The following MYRIP variants were observed in gnomAD, a reference collection of about 807,000 sequenced individuals.
The protein encoded by MYRIP is myosin VIIA and Rab interacting protein.
A neutral mutation model predicts 98.0 loss-of-function variants in MYRIP; 49 were observed. That is an observed-to-expected ratio of 0.50 (90% CI 0.40 to 0.63). The LOEUF (loss-of-function observed/expected upper bound fraction) is 0.63, where lower values mean the gene tolerates loss of function less well. MYRIP is among the 30% of genes least tolerant of loss of function. MYRIP has a pLI of 0.00. For missense variants in MYRIP, 1,004 were observed against 1,058.2 expected (o/e 0.95, Z 0.71); for synonymous variants, 404 against 409.5 (o/e 0.99, Z 0.16).
At chr3:39,869,123 C>T (rs1341761068) in intron 1 of MYRIP, among the ~76,000 whole-genome samples, 1 of 152,160 alleles carries the variant, frequency 6.6e-6, no homozygotes. Context: ...AGAAATTCTC[C>T]ACATTATTTA....
chr3:40,081,955 G>A (rs56211003), intron 3 of MYRIP, among the ~76,000 whole-genome samples: 2 of 152,152 alleles, frequency 1.3e-5, no homozygotes, highest in Admixed American at 6.6e-5. Flanking sequence ...CTTTCACTTA[G>A]CATGATGTCC....
intron 11 of MYRIP, among the ~76,000 whole-genome samples, chr3:40,219,671 T>G (rs1952265912): frequency 6.6e-6 from 1 of 152,178 alleles, no homozygotes; most frequent in Non-Finnish European, 1.5e-5. Context: ...AACTCATCAT[T>G]TTTTATGGCT....
chr3:40,203,499 G>A (rs1179807481), intron 10 of MYRIP, among the ~76,000 whole-genome samples: 1 of 151,152 alleles, frequency 6.6e-6, no homozygotes, highest in African/African-American at 2.4e-5. Flanking sequence ...AAACCAAAAT[G>A]TAAGGTTATT....
rs1041573694 is a variant in MYRIP, at chr3:39,809,716, G to C, written c.-231G>C. On this transcript the variant is annotated 5_prime_UTR_variant, in exon 1 of 17. Coordinates refer to ENST00000302541, the MANE Select transcript of MYRIP (RefSeq NM_015460.4). Reference sequence around the variant, plus strand: ...GTTCCCGGGTTCCCGCTGCGGCTGCGGTTCTGGCAGCCGAGCCCCCGCGGT... The same window carrying C: ...GTTCCCGGGTTCCCGCTGCGGCTGCCGTTCTGGCAGCCGAGCCCCCGCGGT... 1 of 152,096 alleles carries C rather than the reference G, an allele frequency of 6.6e-6. No homozygotes were observed. The highest frequency in any genetic ancestry group is 1.5e-5 in the Non-Finnish European group (1 of 67,980). The allele number at this position is 152,096 out of a possible 1,614,324, so 9.4% of individuals were successfully genotyped here. A position where few individuals can be genotyped will look rare whatever the true frequency, so the allele number is the denominator to read the frequency against.
intron 2 of MYRIP, among the ~76,000 whole-genome samples, chr3:39,977,242 G>A (rs1486399323): frequency 6.6e-6 from 1 of 152,096 alleles, no homozygotes; most frequent in African/African-American, 2.4e-5. Context: ...GCATTAAGGG[G>A]GAGTCCATGC....
At chr3:39,811,117 C>T (rs1220431978) in intron 1 of MYRIP, among the ~76,000 whole-genome samples, 1 of 152,140 alleles carries the variant, frequency 6.6e-6, no homozygotes, top group African/African-American at 2.4e-5. Context: ...GGGCGCTTCT[C>T]AGAGCTCTGG....
At chr3:40,063,487 G>C (rs931983053) in intron 3 of MYRIP, among the ~76,000 whole-genome samples, 1 of 152,176 alleles carries the variant, frequency 6.6e-6, no homozygotes, top group Non-Finnish European at 1.5e-5. Flanking sequence ...AAAGGTCTAT[G>C]CTAAAGTACT....
intron 2 of MYRIP, among the ~76,000 whole-genome samples, chr3:39,956,875 T>C (rs867537805): frequency 3.3e-5 from 5 of 151,494 alleles, no homozygotes; most frequent in Admixed American, 2.0e-4. Context: ...GAAATACAAA[T>C]TACCATCAGA....
At chr3:40,081,804 G>A (rs1226938058) in intron 3 of MYRIP, among the ~76,000 whole-genome samples, 1 of 152,106 alleles carries the variant, frequency 6.6e-6, no homozygotes, top group Non-Finnish European at 1.5e-5. Context: ...CTGAAACTAT[G>A]TACCCTTTGA....
At chr3:39,967,946 A>C (rs937714591) in intron 2 of MYRIP, among the ~76,000 whole-genome samples, 2 of 151,852 alleles carry the variant, frequency 1.3e-5, no homozygotes, top group Non-Finnish European at 2.9e-5. Context: ...TTCTCTTGTA[A>C]ATTTGTTTAA....
chr3:40,070,137 C>T (rs1398322109), intron 3 of MYRIP, among the ~76,000 whole-genome samples: 1 of 152,148 alleles, frequency 6.6e-6, no homozygotes, highest in Non-Finnish European at 1.5e-5. Context: ...ATGCCCAAAA[C>T]AGAACATAAT....
intron 11 of MYRIP, among the ~76,000 whole-genome samples, chr3:40,214,784 A>G (rs1952068338): frequency 6.6e-6 from 1 of 152,194 alleles, no homozygotes; most frequent in Non-Finnish European, 1.5e-5. Context: ...TGGTTCTGGA[A>G]GAAAGTCCTG....
intron 2 of MYRIP, among the ~76,000 whole-genome samples, chr3:40,002,959 T>G (rs1946552186): frequency 6.6e-6 from 1 of 151,882 alleles, no homozygotes. Flanking sequence ...TGTGTGTATC[T>G]AAAGCTATAT....
chr3:39,870,407 G>T (rs1379654773), intron 1 of MYRIP, among the ~76,000 whole-genome samples: 1 of 152,146 alleles, frequency 6.6e-6, no homozygotes, highest in African/African-American at 2.4e-5. Flanking sequence ...TCATGGGAGA[G>T]AATTCTCAAA....
At chr3:40,146,719 ACACACACATGCATG>A (rs1369371905) in intron 3 of MYRIP, among the ~76,000 whole-genome samples, 1 of 152,134 alleles carries the variant, frequency 6.6e-6, no homozygotes, top group Non-Finnish European at 1.5e-5. Context: ...ACACAAATGC[ACACACACATGCATG>A]CACACACATA....
chr3:40,209,914 A>T lies in MYRIP; in HGVS notation c.1726A>T (p.Thr576Ser). 6.2e-7 allele frequency: 1 copy of T among 1,614,050 alleles called. No homozygotes were observed. ...TGAGGCTCGGGATCCCCAGACTCTC[A>T]CAGACACCACAGAGGAGAAACGGAG... ...SNEARDPQTL[T>S]DTTEEKRRNR... The change falls in exon 11 of 17, where the codon ACA becomes TCA. Residue 576 changes from threonine to serine, a missense_variant. Coordinates refer to ENST00000302541, the MANE Select transcript of MYRIP (RefSeq NM_015460.4).
chr3:40,057,278 C>G (rs1947905045), intron 3 of MYRIP, among the ~76,000 whole-genome samples: 1 of 152,134 alleles, frequency 6.6e-6, no homozygotes, highest in Admixed American at 6.6e-5. Flanking sequence ...TGCCAAGAGC[C>G]AGGGTGTTCT....
chr3:40,065,891 T>G (rs1948117084), intron 3 of MYRIP, among the ~76,000 whole-genome samples: 1 of 151,986 alleles, frequency 6.6e-6, no homozygotes, highest in South Asian at 2.1e-4. Flanking sequence ...AAATGTGGAG[T>G]TGAAGTCTCA....
chr3:40,036,324 A>AC (rs1553607294), intron 2 of MYRIP, among the ~76,000 whole-genome samples: 2 of 125,628 alleles, frequency 1.6e-5, no homozygotes, highest in East Asian at 2.2e-4. Context: ...AAAAAAAAAA[A>AC]CTTTATTCAA....
Sources: gnomAD v4.1 joint callset for allele counts (sites outside exome capture counted in the v4.1 genomes callset) on GRCh38, gnomAD v4.1.1 for gene constraint, MANE v1.5 for transcripts, NCBI Gene and HGNC (gene_info 2026-07-23, HGNC 2026-07-21) for gene names.